RGS7BP: variants seen among roughly 807,000 people sequenced by gnomAD.
RGS7BP encodes regulator of G protein signaling 7 binding protein.
In RGS7BP, 9 loss-of-function variants were observed where a neutral mutation model predicts 31.3. The observed-to-expected ratio is 0.29, with a 90% CI of 0.17 to 0.50. The LOEUF is 0.50. Among genes scored for constraint, RGS7BP ranks in the 20% least tolerant of loss-of-function variants. The pLI is 0.98. For synonymous variants in RGS7BP, 115 were observed against 120.1 expected (o/e 0.96, Z 0.28); for missense variants, 274 against 322.0 (o/e 0.85, Z 1.14).
chr5:64,564,587 TTA>T (rs1742127012), intron 2 of RGS7BP, among the ~76,000 whole-genome samples: 1 of 152,186 alleles, frequency 6.6e-6, no homozygotes, highest in Non-Finnish European at 1.5e-5. Context: ...ATCTCCAATT[TTA>T]TGTTTCATAT....
intron 2 of RGS7BP, among the ~76,000 whole-genome samples, chr5:64,561,906 C>T (rs910955181): frequency 2.7e-5 from 4 of 150,780 alleles, no homozygotes; most frequent in Non-Finnish European, 5.9e-5. Flanking sequence ...GTGCAGAGTC[C>T]TTTCATTCTG....
intron 2 of RGS7BP, among the ~76,000 whole-genome samples, chr5:64,571,470 G>T (rs868197206): frequency 6.6e-6 from 1 of 152,206 alleles, no homozygotes; most frequent in Middle Eastern, 3.4e-3. Flanking sequence ...ATGGGTATAT[G>T]TTTAGCTTTA....
At chr5:64,599,395 T>TGAGGAC (rs1554058464) in intron 5 of RGS7BP, among the ~76,000 whole-genome samples, 12 of 151,194 alleles carry the variant, frequency 7.9e-5, no homozygotes, top group African/African-American at 2.9e-4. Flanking sequence ...TGCCTTGAAG[T>TGAGGAC]GAGGAGGAGG....
chr5:64,583,805 T>C (rs142162647), intron 3 of RGS7BP, among the ~76,000 whole-genome samples: 2 of 152,326 alleles, frequency 1.3e-5, no homozygotes, highest in East Asian at 3.9e-4. Flanking sequence ...TCTAAAGCCT[T>C]CTTCTACTCT....
intron 2 of RGS7BP, among the ~76,000 whole-genome samples, chr5:64,518,948 C>T (rs942660534): frequency 3.3e-5 from 5 of 152,142 alleles, no homozygotes; most frequent in Admixed American, 2.0e-4. Context: ...TCTCAGAAGC[C>T]TCACACAGCA....
chr5:64,556,441 AC>A (rs1741928914), intron 2 of RGS7BP, among the ~76,000 whole-genome samples: 2 of 151,058 alleles, frequency 1.3e-5, no homozygotes, highest in African/African-American at 2.4e-5. Flanking sequence ...ACACACACAC[AC>A]ACACACACAC....
Position 64,578,790 on chromosome 5 carries a change from G to A in RGS7BP, c.463+2886G>A, listed in dbSNP as rs570145578. 3.3e-5 allele frequency among the ~76,000 whole-genome samples: 5 copies of A among 152,314 alleles called. No homozygotes were observed. The East Asian group carries it at 9.6e-4, about 29-fold the overall frequency. On this transcript the variant is annotated intron_variant, in intron 3 of 5. Coordinates refer to ENST00000334025, the MANE Select transcript of RGS7BP (RefSeq NM_001029875.3). Reference sequence around the variant, plus strand: ...ATACAGTGCATTGTCTCCATGAACTGAGGATGTGACCACTGAAATAGGCAG... The same window carrying A: ...ATACAGTGCATTGTCTCCATGAACTAAGGATGTGACCACTGAAATAGGCAG...
intron 2 of RGS7BP, among the ~76,000 whole-genome samples, chr5:64,521,173 A>C (rs909305220): frequency 5.9e-5 from 9 of 152,160 alleles, no homozygotes; most frequent in Admixed American, 2.6e-4. Flanking sequence ...GAAGTGTTCC[A>C]TTTTGGCATG....
chr5:64,538,741 A>T (rs1018268375), intron 2 of RGS7BP, among the ~76,000 whole-genome samples: 1 of 151,494 alleles, frequency 6.6e-6, no homozygotes, highest in Non-Finnish European at 1.5e-5. Context: ...TTGTTAGCAG[A>T]GATGAGGTTT....
intron 2 of RGS7BP, among the ~76,000 whole-genome samples, chr5:64,536,932 CTG>C (rs1226920577): frequency 6.6e-6 from 1 of 152,192 alleles, no homozygotes; most frequent in African/African-American, 2.4e-5. Flanking sequence ...CTATAAAAGA[CTG>C]TGACAAATAA....
At position 64,593,874 on chromosome 5, in the gene RGS7BP, C is replaced by T. The variant is rs74780877; in HGVS notation, c.464-836C>T. 2.0e-5 allele frequency among the ~76,000 whole-genome samples: 3 copies of T among 152,254 alleles called. No homozygotes were observed. In the South Asian group the frequency reaches 6.2e-4, roughly 32 times the overall value. On this transcript the variant is annotated intron_variant, in intron 3 of 5. Transcript: ENST00000334025. The stretch of plus-strand genomic sequence containing the variant: ...CATTTCCATGATACTAGGATACCCC[C>T]CTATGGATGCACAGATTTTCAAGAA...
chr5:64,542,124 T>C (rs1048357037), intron 2 of RGS7BP, among the ~76,000 whole-genome samples: 4 of 152,244 alleles, frequency 2.6e-5, no homozygotes, highest in African/African-American at 9.6e-5. Flanking sequence ...TCCTTATATA[T>C]ACTTCGTGTT....
chr5:64,506,369 G>T lies in RGS7BP; in HGVS notation c.-256G>T, dbSNP rs947988828. The stretch of plus-strand genomic sequence containing the variant: ...AGCGCCCAGCTCCCGGGACAGGGTC[G>T]GCAATGCTGCTGAGCAGAACTTGAT... On this transcript the variant is annotated 5_prime_UTR_variant, in exon 1 of 6. Coordinates refer to ENST00000334025, the MANE Select transcript of RGS7BP (RefSeq NM_001029875.3). The surrounding 1 kb of genome is among the most constrained non-coding windows in gnomAD (Gnocchi z 4.6). 1 of 359,822 alleles carries T rather than the reference G, an allele frequency of 2.8e-6. No individual in the cohort carries two copies. Among genetic ancestry groups the T allele is most frequent in the Non-Finnish European group, 5.0e-6 (1 of 201,290 alleles). The allele number at this position is 359,822 out of a possible 1,614,324, so 22.3% of individuals were successfully genotyped here.
chr5:64,567,359 TTAAAA>T (rs564861780), intron 2 of RGS7BP, among the ~76,000 whole-genome samples: 173 of 152,272 alleles, frequency 1.1e-3, no homozygotes, highest in African/African-American at 3.9e-3. Flanking sequence ...TAATTAATTA[TTAAAA>T]TATTGATCAA....
At chr5:64,545,102 GGAA>G (rs1216766438) in intron 2 of RGS7BP, among the ~76,000 whole-genome samples, 2 of 152,108 alleles carry the variant, frequency 1.3e-5, no homozygotes, top group East Asian at 3.9e-4. Context: ...CTTGAACCCA[GGAA>G]GAAGAGGTTG....
intron 2 of RGS7BP, among the ~76,000 whole-genome samples, chr5:64,572,753 C>T (rs1284233962): frequency 6.6e-6 from 1 of 151,790 alleles, no homozygotes; most frequent in Non-Finnish European, 1.5e-5. Flanking sequence ...TGGGAGATGG[C>T]ACCCAAAGCA....
intron 2 of RGS7BP, among the ~76,000 whole-genome samples, chr5:64,549,217 A>G (rs1249670434): frequency 6.6e-6 from 1 of 152,256 alleles, no homozygotes; most frequent in East Asian, 1.9e-4. Context: ...CTTCCAAAAT[A>G]CAATGATGTG....
chr5:64,567,478 T>C (rs1436519217), intron 2 of RGS7BP, among the ~76,000 whole-genome samples: 1 of 152,160 alleles, frequency 6.6e-6, no homozygotes, highest in Non-Finnish European at 1.5e-5. Flanking sequence ...ACCCACTCCC[T>C]AGATTCTACA....
At chr5:64,551,955 A>C (rs1741805204) in intron 2 of RGS7BP, among the ~76,000 whole-genome samples, 1 of 152,186 alleles carries the variant, frequency 6.6e-6, no homozygotes, top group Non-Finnish European at 1.5e-5. Context: ...TATACTAAAA[A>C]CAGAAGCAGG....
Sources: allele counts gnomAD v4.1 joint callset (sites outside exome capture counted in the v4.1 genomes callset), GRCh38; gene constraint gnomAD v4.1.1; non-coding constraint Gnocchi (gnomAD v3.1); transcripts MANE v1.5; gene names NCBI Gene and HGNC (gene_info 2026-07-23, HGNC 2026-07-21).